Variants in L2HGDH observed in about 807,000 individuals in gnomAD.
The protein encoded by L2HGDH is L-2-hydroxyglutarate dehydrogenase, also known as L-2-hydroxyglutarate dehydrogenase, mitochondrial.
In L2HGDH, 34 loss-of-function variants were observed where a neutral mutation model predicts 51.5. That is an observed-to-expected ratio of 0.66 (90% CI 0.50 to 0.88). The LOEUF (loss-of-function observed/expected upper bound fraction) is 0.88, where lower values mean the gene tolerates loss of function less well. Among genes scored for constraint, L2HGDH ranks in the 40% least tolerant of loss-of-function variants. The pLI is 0.00. For missense variants in L2HGDH, 558 were observed against 571.9 expected, an observed-to-expected ratio of 0.98 and a Z score of 0.25; for synonymous variants, 198 against 197.9, an observed-to-expected ratio of 1.00 and a Z score of -0.01.
chr14:50,289,106 T>C (rs1229701810), intron 4 of L2HGDH, among the ~76,000 whole-genome samples: 2 of 152,326 alleles, frequency 1.3e-5, no homozygotes, highest in East Asian at 3.9e-4. Flanking sequence ...TGCTCCCACA[T>C]ATATAACAGC....
chr14:50,265,186 A>G (rs1889267370), intron 9 of L2HGDH, among the ~76,000 whole-genome samples, 172 bp downstream of exon 9: 1 of 152,256 alleles, frequency 6.6e-6, no homozygotes, highest in Non-Finnish European at 1.5e-5. Context: ...GCAATGCCCA[A>G]TAAATGCACT....
intron 5 of L2HGDH, chr14:50,282,533 A>G (rs1566524529): frequency 6.6e-6 from 3 of 456,020 alleles, no homozygotes; most frequent in Admixed American, 4.7e-5. Context: ...TGGGTCCAGT[A>G]TAGTTCAGTA....
intron 8 of L2HGDH, among the ~76,000 whole-genome samples, chr14:50,267,184 T>TATTTATTC (rs1566512209): frequency 1.6e-5 from 2 of 125,898 alleles, no homozygotes; most frequent in Non-Finnish European, 3.6e-5. Context: ...TTTATTTATT[T>TATTTATTC]ATTTATTCAT....
At chr14:50,275,383 G>C (rs1047928356) in intron 6 of L2HGDH, among the ~76,000 whole-genome samples, 2 of 152,162 alleles carry the variant, frequency 1.3e-5, no homozygotes, top group African/African-American at 4.8e-5. Context: ...TCATAGAAAA[G>C]GTAGCACTTA....
chr14:50,303,068 C>T, intron 1 of L2HGDH, 51 bp from the exon 2 acceptor site: 1 of 1,088,922 alleles, frequency 9.2e-7, no homozygotes. Context: ...GTAGACCTCG[C>T]CAAACTTCAC....
chr14:50,311,087 C>G (rs549870602), intron 1 of L2HGDH, among the ~76,000 whole-genome samples: 1 of 151,708 alleles, frequency 6.6e-6, no homozygotes, highest in Non-Finnish European at 1.5e-5. Context: ...TTACAGGCGC[C>G]CACCACCACG....
At position 50,244,934 on chromosome 14, in the gene L2HGDH, T is replaced by C. The variant is rs1887934812; in HGVS notation, c.*2124A>G. On this transcript the variant is annotated 3_prime_UTR_variant, in exon 10 of 10. Transcript: ENST00000267436. Reference sequence around the variant, plus strand: ...AATGCCTCACCTAAATGTGGTTCAGTACTCAAAGTTCTGCAGTCAGGTCGC... The same window carrying C: ...AATGCCTCACCTAAATGTGGTTCAGCACTCAAAGTTCTGCAGTCAGGTCGC... 2.0e-6 allele frequency: 2 copies of C among 985,398 alleles called. No homozygotes were observed. Among genetic ancestry groups the C allele is most frequent in the Non-Finnish European group, 1.2e-6 (1 of 829,938 alleles). 61.0% of individuals were successfully genotyped at this position (985,398 alleles called of 1,614,324 possible). A position where few individuals can be genotyped will look rare whatever the true frequency, so the allele number is the denominator to read the frequency against.
chr14:50,311,426 T>G (rs1474258197), intron 1 of L2HGDH: 1 of 456,032 alleles, frequency 2.2e-6, no homozygotes, highest in African/African-American at 2.0e-5. Flanking sequence ...TCACACAAAC[T>G]GTTTCTTCTA....
chr14:50,247,360 A>T (rs1391532214), intron 9 of L2HGDH, 107 bp from the exon 10 acceptor site: 1 of 1,503,842 alleles, frequency 6.6e-7, no homozygotes, highest in East Asian at 2.5e-5. Context: ...CTAAATGCAC[A>T]ATTATATGGA....
intron 3 of L2HGDH, among the ~76,000 whole-genome samples, chr14:50,301,672 A>G (rs61584633): frequency 0.017 from 2,616 of 152,292 alleles, 52 homozygotes; most frequent in Middle Eastern, 0.071. Flanking sequence ...CGGGGGAGGT[A>G]GAAATGGGAA....
chr14:50,278,628 CAAACTT>C (rs1890101199), intron 5 of L2HGDH, 74 bp from the exon 6 acceptor site: 2 of 804,794 alleles, frequency 2.5e-6, no homozygotes, highest in South Asian at 1.6e-5. Context: ...ATACTAGAAA[CAAACTT>C]AAATAACCTT....
chr14:50,307,287 G>A (rs1459304190), intron 1 of L2HGDH, among the ~76,000 whole-genome samples: 2 of 152,138 alleles, frequency 1.3e-5, no homozygotes, highest in African/African-American at 4.8e-5. Context: ...TACTGAATAT[G>A]CTTTTTCCAA....
chr14:50,292,413 A>T (rs1025850610), intron 4 of L2HGDH, among the ~76,000 whole-genome samples: 2 of 152,244 alleles, frequency 1.3e-5, no homozygotes, highest in African/African-American at 4.8e-5. Flanking sequence ...ATTCAGGCCT[A>T]TTAAAAAGCT....
In L2HGDH at chr14:50,246,290, C is replaced by T. The variant is rs1887993682; in HGVS notation, c.*768G>A. 6.6e-6 allele frequency: 1 copy of T among 151,652 alleles called. No individual in the cohort carries two copies. Among genetic ancestry groups the T allele is most frequent in the Non-Finnish European group, 1.5e-5 (1 of 67,940 alleles). 9.4% of individuals were successfully genotyped at this position (151,652 alleles called of 1,614,324 possible). A position where few individuals can be genotyped will look rare whatever the true frequency, so the allele number is the denominator to read the frequency against. ...CTGGGGTATAGTGGCATGAACACAG[C>T]TCACTGTAGCCTTGATCTCCCGGGC... On this transcript the variant is annotated 3_prime_UTR_variant, in exon 10 of 10. Coordinates refer to ENST00000267436, the MANE Select transcript of L2HGDH (RefSeq NM_024884.3).
rs149610630 is a variant in L2HGDH at position 50,270,153 on chromosome 14, A to C, written c.739-823T>G. Among the ~76,000 whole-genome samples, 9 of 152,338 alleles carry C rather than the reference A, an allele frequency of 5.9e-5. No homozygotes were observed. In the East Asian group the frequency reaches 1.7e-3, roughly 29 times the overall value. ...AATCTCATTCATTCAATGCACATTT[A>C]ATGAGAGCACACACTACGTTCAACG... On this transcript the variant is annotated intron_variant, in intron 6 of 9. Coordinates refer to ENST00000267436, the MANE Select transcript of L2HGDH (RefSeq NM_024884.3).
chr14:50,297,154 T>G (rs2030105835), intron 3 of L2HGDH, among the ~76,000 whole-genome samples: 1 of 152,180 alleles, frequency 6.6e-6, no homozygotes, highest in Admixed American at 6.5e-5. Flanking sequence ...ACATCATACT[T>G]AAGGGTAAAA....
Position 50,246,881 on chromosome 14 carries a change from C to G in L2HGDH, c.*177G>C. ...GAGATTACAGGCATGCGCCACCATG[C>G]CTGGCTAATTTTTGTAGAAAATTAT... On this transcript the variant is annotated 3_prime_UTR_variant, in exon 10 of 10. Transcript: ENST00000267436. 3 of 1,168,056 alleles carry G rather than the reference C, an allele frequency of 2.6e-6. No homozygotes were observed. In the East Asian group the frequency reaches 8.1e-5, roughly 32 times the overall value. 72.4% of individuals were successfully genotyped at this position (1,168,056 alleles called of 1,614,324 possible).
chr14:50,259,532 A>G (rs1888888898), intron 9 of L2HGDH, among the ~76,000 whole-genome samples: 1 of 151,712 alleles, frequency 6.6e-6, no homozygotes, highest in Non-Finnish European at 1.5e-5. Flanking sequence ...TCTTTTAAAA[A>G]GATTCTTAAA....
At chr14:50,272,077 G>A (rs979921625) in intron 6 of L2HGDH, among the ~76,000 whole-genome samples, 1 of 152,210 alleles carries the variant, frequency 6.6e-6, no homozygotes, top group African/African-American at 2.4e-5. Flanking sequence ...GGAGGCAGAG[G>A]TTACAGTGAG....
Sources: allele counts gnomAD v4.1 joint callset (sites outside exome capture counted in the v4.1 genomes callset), GRCh38; gene constraint gnomAD v4.1.1; transcripts MANE v1.5; gene names NCBI Gene and HGNC (gene_info 2026-07-23, HGNC 2026-07-21).